The following ABTB3 variants were observed in gnomAD, a reference collection of about 807,000 sequenced individuals.
The protein encoded by ABTB3 is ankyrin repeat and BTB domain containing 3.
the ABTB3 span, among the ~76,000 whole-genome samples, chr12:107,645,060 C>T: frequency 6.6e-6 from 1 of 151,058 alleles, no homozygotes; most frequent in Non-Finnish European, 1.5e-5. Context: ...GCAACCTCCG[C>T]CTCCCGGGTT....
the ABTB3 span, among the ~76,000 whole-genome samples, chr12:107,464,976 A>ACACACC: frequency 4.5e-4 from 64 of 142,376 alleles, no homozygotes; most frequent in African/African-American, 1.7e-3. Context: ...ACACACACAC[A>ACACACC]CCCCAGAGAA....
At chr12:107,584,559 C>T in the ABTB3 span, among the ~76,000 whole-genome samples, 2 of 152,194 alleles carry the variant, frequency 1.3e-5, no homozygotes, top group Non-Finnish European at 2.9e-5. Context: ...AATAAACAGC[C>T]CTAGAAAGGG....
At chr12:107,329,541 C>T in the ABTB3 span, among the ~76,000 whole-genome samples, 1 of 152,134 alleles carries the variant, frequency 6.6e-6, no homozygotes, top group African/African-American at 2.4e-5. Context: ...AGAACTGCTC[C>T]CTGGATGCTG....
At chr12:107,524,904 C>A in the ABTB3 span, among the ~76,000 whole-genome samples, 1 of 152,206 alleles carries the variant, frequency 6.6e-6, no homozygotes, top group Non-Finnish European at 1.5e-5. Context: ...ACTGTGGATG[C>A]TCTCCTGTAA....
At chr12:107,320,719 C>T in the ABTB3 span, 10 of 455,538 alleles carry the variant, frequency 2.2e-5, no homozygotes, top group Non-Finnish European at 4.4e-5. Context: ...GAGCACACAG[C>T]TGGTGGGGGC....
chr12:107,360,413 T>G, the ABTB3 span, among the ~76,000 whole-genome samples: 1 of 152,124 alleles, frequency 6.6e-6, no homozygotes, highest in Non-Finnish European at 1.5e-5. Flanking sequence ...GTTGAGCAGT[T>G]GGGACTTTCA....
At chr12:107,349,935 C>T in the ABTB3 span, among the ~76,000 whole-genome samples, 1 of 152,158 alleles carries the variant, frequency 6.6e-6, no homozygotes, top group Non-Finnish European at 1.5e-5. Context: ...CCTAAGAATC[C>T]AGACCCATGC....
the ABTB3 span, chr12:107,640,294 T>TC: frequency 2.8e-6 from 4 of 1,439,768 alleles, no homozygotes; most frequent in Non-Finnish European, 3.8e-6. Context: ...TACCTTTTTT[T>TC]CCCTTTCCTA....
the ABTB3 span, among the ~76,000 whole-genome samples, chr12:107,496,137 A>G: frequency 6.6e-6 from 1 of 152,178 alleles, no homozygotes; most frequent in East Asian, 1.9e-4. Flanking sequence ...GGGTTTAGAA[A>G]GCTTTCAAGA....
chr12:107,589,975 T>A, the ABTB3 span, among the ~76,000 whole-genome samples: 21 of 152,238 alleles, frequency 1.4e-4, no homozygotes, highest in Non-Finnish European at 2.6e-4. Flanking sequence ...AGTGGTGTGA[T>A]CTTGGCTCAC....
the ABTB3 span, among the ~76,000 whole-genome samples, chr12:107,567,356 G>A: frequency 9.2e-5 from 14 of 152,366 alleles, no homozygotes; most frequent in East Asian, 3.9e-4. Context: ...GTCATGTGCC[G>A]TGGGACAATG....
At chr12:107,335,286 CAAAAAAAAAAAAAAAAAAAAAAAAAAA>C in the ABTB3 span, among the ~76,000 whole-genome samples, 2 of 18,628 alleles carry the variant, frequency 1.1e-4, no homozygotes, top group African/African-American at 1.6e-4. Context: ...GACCTTGTCT[CAAAAAAAAAAAAAAAAAAAAAAAAAAA>C]AAAAAAAAAA....
the ABTB3 span, among the ~76,000 whole-genome samples, chr12:107,420,959 A>G: frequency 2.0e-5 from 3 of 152,228 alleles, no homozygotes; most frequent in South Asian, 6.2e-4. Flanking sequence ...CAGCTGACAC[A>G]AGCCTTGGTT....
the ABTB3 span, among the ~76,000 whole-genome samples, chr12:107,414,106 G>T: frequency 6.6e-6 from 1 of 152,098 alleles, no homozygotes; most frequent in Admixed American, 6.5e-5. Context: ...TTAGAGACTC[G>T]TCTAATTTTT....
the ABTB3 span, among the ~76,000 whole-genome samples, chr12:107,580,031 A>T: frequency 6.6e-6 from 1 of 152,134 alleles, no homozygotes; most frequent in East Asian, 1.9e-4. Flanking sequence ...GTTCTTTGAG[A>T]ATGTCGTCCG....
chr12:107,555,260 C>A, the ABTB3 span, among the ~76,000 whole-genome samples: 1 of 152,202 alleles, frequency 6.6e-6, no homozygotes, highest in Admixed American at 6.5e-5. Flanking sequence ...AGCATCAGGG[C>A]AAATCCCAAA....
chr12:107,448,695 C>A, the ABTB3 span, among the ~76,000 whole-genome samples: 1 of 151,172 alleles, frequency 6.6e-6, no homozygotes, highest in East Asian at 1.9e-4. Context: ...GGCTGGAGTG[C>A]AGTGGCACAA....
the ABTB3 span, among the ~76,000 whole-genome samples, chr12:107,563,877 A>G: frequency 6.6e-6 from 1 of 152,208 alleles, no homozygotes; most frequent in South Asian, 2.1e-4. Context: ...GAATGGGAGC[A>G]TGACAGATGC....
At chr12:107,653,194 A>G in the ABTB3 span, among the ~76,000 whole-genome samples, 1 of 152,188 alleles carries the variant, frequency 6.6e-6, no homozygotes, top group Admixed American at 6.5e-5. Flanking sequence ...GTGCACGTGA[A>G]TGACGCTCCT....
Sources: gnomAD v4.1 joint callset for allele counts (sites outside exome capture counted in the v4.1 genomes callset) on GRCh38, gnomAD v4.1.1 for gene constraint, MANE v1.5 for transcripts, NCBI Gene and HGNC (gene_info 2026-07-23, HGNC 2026-07-21) for gene names.